GALNT13: variants seen among roughly 807,000 people sequenced by gnomAD.
The protein encoded by GALNT13 is UDP-GalNAc:polypeptide N-acetylgalactosaminyltransferase 13.
A neutral mutation model predicts 64.2 loss-of-function variants in GALNT13; 28 were observed. The ratio of observed to expected loss-of-function variants is 0.44; its 90% CI spans 0.32 to 0.60. The LOEUF is 0.60. Among genes scored for constraint, GALNT13 ranks in the 20% least tolerant of loss-of-function variants. GALNT13 has a pLI of 0.05. For synonymous variants in GALNT13, 214 were observed against 224.6 expected, an observed-to-expected ratio of 0.95 and a Z score of 0.42; for missense variants, 577 against 669.8, an observed-to-expected ratio of 0.86 and a Z score of 1.53.
chr2:153,554,278 G>T, the GALNT13 span, among the ~76,000 whole-genome samples: 1 of 152,124 alleles, frequency 6.6e-6, no homozygotes, highest in South Asian at 2.1e-4. Flanking sequence ...AGCTTGCAGT[G>T]AGCCGAGATC....
At chr2:154,297,713 G>C (rs1342837680) in intron 8 of GALNT13, among the ~76,000 whole-genome samples, 3 of 152,100 alleles carry the variant, frequency 2.0e-5, no homozygotes, top group Non-Finnish European at 4.4e-5. Context: ...TTATTTTACA[G>C]ATAGCACTAC....
chr2:153,087,145 G>A, the GALNT13 span, among the ~76,000 whole-genome samples: 2 of 151,956 alleles, frequency 1.3e-5, no homozygotes, highest in African/African-American at 4.8e-5. Context: ...ATTACCTTGA[G>A]GTATGTTTTT....
chr2:153,229,805 G>A, the GALNT13 span, among the ~76,000 whole-genome samples: 1 of 152,190 alleles, frequency 6.6e-6, no homozygotes, highest in African/African-American at 2.4e-5. Flanking sequence ...AGGTCACTGT[G>A]TCATTCAACA....
At chr2:154,373,823 C>A (rs1697831514) in intron 9 of GALNT13, among the ~76,000 whole-genome samples, 1 of 152,176 alleles carries the variant, frequency 6.6e-6, no homozygotes, top group Admixed American at 6.5e-5. Flanking sequence ...GTTTTAAGGA[C>A]TAAAGATTCT....
chr2:153,364,675 A>G, the GALNT13 span, among the ~76,000 whole-genome samples: 1 of 152,146 alleles, frequency 6.6e-6, no homozygotes, highest in East Asian at 1.9e-4. Flanking sequence ...ATACAGCTAA[A>G]AAGAGACATG....
At chr2:154,283,577 C>CA (rs5741595) in intron 8 of GALNT13, among the ~76,000 whole-genome samples, 74 of 131,130 alleles carry the variant, frequency 5.6e-4, no homozygotes, top group Middle Eastern at 4.2e-3. Context: ...GACTCCGTCT[C>CA]AAAAAAAAAA....
At chr2:153,600,855 T>G in the GALNT13 span, among the ~76,000 whole-genome samples, 3 of 152,006 alleles carry the variant, frequency 2.0e-5, no homozygotes, top group Non-Finnish European at 4.4e-5. Flanking sequence ...GCTGAGAGAC[T>G]TCTAAATATA....
At chr2:153,436,183 T>C in the GALNT13 span, among the ~76,000 whole-genome samples, 83 of 152,358 alleles carry the variant, frequency 5.4e-4, no homozygotes, top group South Asian at 9.7e-3. Context: ...GAAGCCCACG[T>C]GATCATGGTA....
At chr2:153,187,095 C>T in the GALNT13 span, among the ~76,000 whole-genome samples, 1 of 152,112 alleles carries the variant, frequency 6.6e-6, no homozygotes, top group Admixed American at 6.5e-5. Flanking sequence ...AAGCAACTTT[C>T]TTGAAAAGAA....
the GALNT13 span, chr2:153,171,981 TAGA>T: frequency 6.6e-6 from 1 of 152,134 alleles, no homozygotes; most frequent in Non-Finnish European, 1.5e-5. Context: ...TTTGCACAGG[TAGA>T]AGAAGGTTAT....
the GALNT13 span, among the ~76,000 whole-genome samples, chr2:153,726,873 G>C: frequency 6.7e-6 from 1 of 148,310 alleles, no homozygotes; most frequent in South Asian, 2.2e-4. Context: ...CCGGAAGACA[G>C]AGCTTGCAGT....
the GALNT13 span, among the ~76,000 whole-genome samples, chr2:153,757,673 T>C: frequency 6.6e-6 from 1 of 152,164 alleles, no homozygotes; most frequent in African/African-American, 2.4e-5. Flanking sequence ...TGATAATAGC[T>C]ATCCTGATAA....
chr2:154,384,603 C>T (rs1698419777), intron 9 of GALNT13, among the ~76,000 whole-genome samples: 2 of 151,778 alleles, frequency 1.3e-5, no homozygotes, highest in African/African-American at 4.8e-5. Context: ...GCTTTTAAAT[C>T]ATATGTCATT....
At chr2:154,328,602 T>TA (rs1307353615) in intron 9 of GALNT13, among the ~76,000 whole-genome samples, 8 of 152,048 alleles carry the variant, frequency 5.3e-5, no homozygotes, top group Admixed American at 2.6e-4. Flanking sequence ...TGGATCTTGT[T>TA]AAAAAATGCT....
chr2:154,186,560 T>G (rs1185404323), intron 4 of GALNT13, among the ~76,000 whole-genome samples: 1 of 152,132 alleles, frequency 6.6e-6, no homozygotes, highest in Non-Finnish European at 1.5e-5. Context: ...TTTTACATCA[T>G]CAGTACAAAT....
At chr2:153,438,017 C>A in the GALNT13 span, among the ~76,000 whole-genome samples, 1 of 145,570 alleles carries the variant, frequency 6.9e-6, no homozygotes, top group East Asian at 2.0e-4. Context: ...TTAGGGCAGG[C>A]CTGGTGGTGA....
the GALNT13 span, among the ~76,000 whole-genome samples, chr2:153,714,130 G>A: frequency 1.6e-4 from 24 of 152,240 alleles, no homozygotes; most frequent in African/African-American, 5.5e-4. Flanking sequence ...GTGAGTTCTT[G>A]CTAACTTGGG....
chr2:153,715,369 G>A, the GALNT13 span, among the ~76,000 whole-genome samples: 2 of 152,218 alleles, frequency 1.3e-5, no homozygotes, highest in East Asian at 3.8e-4. Flanking sequence ...TTGCTTTGCA[G>A]CCCTCCAGTC....
chr2:153,869,539 G>T (rs1685815075), upstream of GALNT13, among the ~76,000 whole-genome samples: 1 of 151,998 alleles, frequency 6.6e-6, no homozygotes, highest in Non-Finnish European at 1.5e-5. Flanking sequence ...ATTCAATTAT[G>T]CATTTTTTAA....
Sources: allele counts gnomAD v4.1 joint callset (sites outside exome capture counted in the v4.1 genomes callset), GRCh38; gene constraint gnomAD v4.1.1; transcripts MANE v1.5; gene names NCBI Gene and HGNC (gene_info 2026-07-23, HGNC 2026-07-21).